TACR1: variants seen among roughly 807,000 people sequenced by gnomAD.
TACR1 encodes the protein tachykinin receptor 1.
TACR1 carries 25 observed loss-of-function variants against 35.8 expected under a neutral mutation model. That is an observed-to-expected ratio of 0.70 (90% CI 0.51 to 0.98). The LOEUF (loss-of-function observed/expected upper bound fraction) is 0.98. Among genes scored for constraint, TACR1 ranks in the 50% least tolerant of loss-of-function variants. The pLI is 0.00. For synonymous variants in TACR1, 195 were observed against 206.7 expected, an observed-to-expected ratio of 0.94 and a Z score of 0.48; for missense variants, 478 against 522.9, an observed-to-expected ratio of 0.91 and a Z score of 0.84.
chr2:75,065,510 G>C (rs1343497110), intron 2 of TACR1, among the ~76,000 whole-genome samples: 2 of 152,142 alleles, frequency 1.3e-5, no homozygotes, highest in Non-Finnish European at 2.9e-5. Context: ...TTGAGGTTGA[G>C]TTAGCTGAGT....
At position 75,180,036 on chromosome 2, in the gene TACR1, TG is replaced by T. The variant is rs112077762; in HGVS notation, c.389+18509del. On this transcript the variant is annotated intron_variant, in intron 1 of 4. Coordinates refer to ENST00000305249, the MANE Select transcript of TACR1 (RefSeq NM_001058.4). The stretch of plus-strand genomic sequence containing the variant: ...TTTATTGCCAATATCATTCCTGCTT[TG>T]GGGTCTTTTATTCTAGCTGTCCCTT... 3.9e-4 allele frequency among the ~76,000 whole-genome samples: 59 copies of T among 152,322 alleles called. 1 individual carries two copies. The highest frequency in any genetic ancestry group is 1.3e-3 in the African/African-American group (52 of 41,572).
At chr2:75,134,522 G>A (rs771923093) in intron 1 of TACR1, among the ~76,000 whole-genome samples, 2 of 152,110 alleles carry the variant, frequency 1.3e-5, no homozygotes, top group Non-Finnish European at 2.9e-5. Context: ...GGACATTTAC[G>A]CCTGGGCAGG....
intron 2 of TACR1, among the ~76,000 whole-genome samples, chr2:75,075,765 A>G (rs1672963658): frequency 6.6e-6 from 1 of 152,242 alleles, no homozygotes; most frequent in Non-Finnish European, 1.5e-5. Context: ...TGTGAAATGT[A>G]AAGACTCAGA....
chr2:75,132,368 T>G (rs1674194419), intron 1 of TACR1, among the ~76,000 whole-genome samples: 1 of 152,198 alleles, frequency 6.6e-6, no homozygotes, highest in African/African-American at 2.4e-5. Flanking sequence ...ACTGACTCTC[T>G]TCAGCAAGTC....
At chr2:75,058,582 G>T (rs536571084) in intron 2 of TACR1, among the ~76,000 whole-genome samples, 17 of 152,314 alleles carry the variant, frequency 1.1e-4, no homozygotes, top group African/African-American at 3.6e-4. Context: ...GTGCTGGGTT[G>T]TCATAGACCT....
At chr2:75,065,258 C>G (rs1672741802) in intron 2 of TACR1, among the ~76,000 whole-genome samples, 2 of 152,254 alleles carry the variant, frequency 1.3e-5, no homozygotes, top group African/African-American at 2.4e-5. Flanking sequence ...CCTCCCAACC[C>G]CTACATTCCT....
chr2:75,080,882 A>G (rs530661470), intron 2 of TACR1, among the ~76,000 whole-genome samples: 1 of 152,360 alleles, frequency 6.6e-6, no homozygotes, highest in South Asian at 2.1e-4. Context: ...TACTTCTTAA[A>G]CCATCTCCAC....
chr2:75,091,813 G>A (rs1490864175), intron 2 of TACR1, among the ~76,000 whole-genome samples: 2 of 152,174 alleles, frequency 1.3e-5, no homozygotes, highest in African/African-American at 2.4e-5. Context: ...GGGCAGTGCC[G>A]TGCACTCTTG....
At chr2:75,193,947 C>T (rs570377324) in intron 1 of TACR1, among the ~76,000 whole-genome samples, 1 of 152,178 alleles carries the variant, frequency 6.6e-6, no homozygotes, top group Admixed American at 6.5e-5. Context: ...ACTTGATAGA[C>T]TGAATATCTT....
intron 1 of TACR1, 143 bp downstream of exon 1, chr2:75,198,403 C>T: frequency 1.1e-6 from 1 of 928,106 alleles, no homozygotes; most frequent in Non-Finnish European, 1.6e-6. Flanking sequence ...TCCCCATCAA[C>T]AAATGACTCA....
chr2:75,051,943 G>A (rs1672478128), intron 3 of TACR1, among the ~76,000 whole-genome samples: 1 of 152,086 alleles, frequency 6.6e-6, no homozygotes, highest in Non-Finnish European at 1.5e-5. Context: ...GAAGGGGTGG[G>A]ACAAGGGGAG....
At chr2:75,068,538 C>T (rs1031807786) in intron 2 of TACR1, among the ~76,000 whole-genome samples, 1 of 152,210 alleles carries the variant, frequency 6.6e-6, no homozygotes, top group South Asian at 2.1e-4. Flanking sequence ...ATAACTACCA[C>T]TACTACCACC....
chr2:75,187,449 T>C (rs1162151716), intron 1 of TACR1: 1 of 152,214 alleles, frequency 6.6e-6, no homozygotes, highest in African/African-American at 2.4e-5. Context: ...TGGATACTTC[T>C]GTATTACCTA....
intron 1 of TACR1, among the ~76,000 whole-genome samples, chr2:75,132,855 T>C (rs1406505203): frequency 6.6e-6 from 1 of 152,212 alleles, no homozygotes; most frequent in Non-Finnish European, 1.5e-5. Context: ...TGCATCCCCA[T>C]GTGAGGATAC....
At chr2:75,116,033 A>C (rs969960138) in intron 2 of TACR1, among the ~76,000 whole-genome samples, 3 of 152,144 alleles carry the variant, frequency 2.0e-5, no homozygotes, top group Non-Finnish European at 2.9e-5. Flanking sequence ...TGTGTTATAA[A>C]GAGGGAAACA....
chr2:75,103,394 G>A (rs1475851763), intron 2 of TACR1, among the ~76,000 whole-genome samples: 1 of 152,082 alleles, frequency 6.6e-6, no homozygotes, highest in Admixed American at 6.6e-5. Flanking sequence ...TGTAAGTATG[G>A]AATATGTCAT....
At chr2:75,081,074 G>C (rs1272423099) in intron 2 of TACR1, among the ~76,000 whole-genome samples, 2 of 152,142 alleles carry the variant, frequency 1.3e-5, no homozygotes, top group Admixed American at 6.5e-5. Context: ...GAGAAAAATG[G>C]GCATGCCAAT....
chr2:75,144,770 AT>A (rs1674471381), intron 1 of TACR1, among the ~76,000 whole-genome samples: 1 of 152,238 alleles, frequency 6.6e-6, no homozygotes, highest in Non-Finnish European at 1.5e-5. Flanking sequence ...TATCTTATAA[AT>A]TTGTGAATTC....
intron 2 of TACR1, among the ~76,000 whole-genome samples, chr2:75,063,203 A>C (rs1672702798): frequency 6.6e-6 from 1 of 152,212 alleles, no homozygotes; most frequent in Non-Finnish European, 1.5e-5. Flanking sequence ...ATGAGATTTG[A>C]GTGGGGACAC....
Sources: allele counts gnomAD v4.1 joint callset (sites outside exome capture counted in the v4.1 genomes callset), GRCh38; gene constraint gnomAD v4.1.1; transcripts MANE v1.5; gene names NCBI Gene and HGNC (gene_info 2026-07-23, HGNC 2026-07-21).